TRABD2B: variants seen among roughly 807,000 people sequenced by gnomAD.
The protein encoded by TRABD2B is metalloprotease TIKI2.
A neutral mutation model predicts 40.1 loss-of-function variants in TRABD2B; 14 were observed. The ratio of observed to expected loss-of-function variants is 0.35; its 90% CI spans 0.23 to 0.55. The LOEUF (loss-of-function observed/expected upper bound fraction) is 0.55, where lower values mean the gene tolerates loss of function less well. Ranked by LOEUF, TRABD2B falls within the 20% of genes least tolerant of loss-of-function variation. TRABD2B has a pLI of 0.90. For synonymous variants in TRABD2B, 263 were observed against 277.0 expected (o/e 0.95, Z 0.50); for missense variants, 541 against 648.6 (o/e 0.83, Z 1.80).
intron 2 of TRABD2B, among the ~76,000 whole-genome samples, chr1:47,987,309 T>C (rs1353855736): frequency 6.6e-6 from 1 of 152,202 alleles, no homozygotes. Flanking sequence ...CTGACAATTC[T>C]TCAAAGCTAA....
Position 47,801,620 on chromosome 1 carries a change from C to G in TRABD2B, c.667-1G>C. On this transcript the variant is annotated splice_acceptor_variant, in intron 2 of 6. Coordinates refer to ENST00000606738, the MANE Select transcript of TRABD2B (RefSeq NM_001194986.2). LOFTEE classifies it high-confidence loss of function. ...GGGTTTGGTTCAGGGCAAACAGCAC[C>G]TGGGCCGAGGAAAGAGAGAGGAATG... 1 of 1,535,488 alleles carries G rather than the reference C, an allele frequency of 6.5e-7. No homozygotes were observed. The highest frequency in any genetic ancestry group is 8.7e-7 in the Non-Finnish European group (1 of 1,146,466).
At chr1:47,807,720 T>G (rs778259348) in intron 2 of TRABD2B, among the ~76,000 whole-genome samples, 5 of 152,184 alleles carry the variant, frequency 3.3e-5, no homozygotes, top group Non-Finnish European at 5.9e-5. Flanking sequence ...TATATTGACT[T>G]ATAGTATTTA....
chr1:47,909,764 C>G (rs1570267100), intron 2 of TRABD2B, among the ~76,000 whole-genome samples: 1 of 1,656 alleles, frequency 6.0e-4, no homozygotes, highest in African/African-American at 1.2e-3. Context: ...CTCCCTCCCT[C>G]CCTTCCCCTC....
intron 2 of TRABD2B, among the ~76,000 whole-genome samples, chr1:47,914,889 A>G (rs1279343579): frequency 1.3e-5 from 2 of 152,206 alleles, no homozygotes; most frequent in African/African-American, 4.8e-5. Flanking sequence ...GCAAGGATGA[A>G]CCAGATAGAC....
At chr1:47,843,692 G>C (rs1456232241) in intron 2 of TRABD2B, among the ~76,000 whole-genome samples, 1 of 152,166 alleles carries the variant, frequency 6.6e-6, no homozygotes, top group South Asian at 2.1e-4. Context: ...ACACTGTGAA[G>C]GAGTGGCCAG....
Position 47,913,875 on chromosome 1 carries a change from C to G in TRABD2B, c.666+80159G>C, listed in dbSNP as rs79740198. Reference sequence around the variant, plus strand: ...TCATTTCTTTTAATCCTCCTATCAACTCCTAATGAGGGGTACTATTGCTGC... The same window carrying G: ...TCATTTCTTTTAATCCTCCTATCAAGTCCTAATGAGGGGTACTATTGCTGC... On this transcript the variant is annotated intron_variant, in intron 2 of 6. Transcript: ENST00000606738. 1.2e-3 allele frequency among the ~76,000 whole-genome samples: 177 copies of G among 152,366 alleles called. 3 individuals carry two copies. In the East Asian group the frequency reaches 0.031, roughly 27 times the overall value.
rs150152640 is a variant in TRABD2B, at chr1:47,907,999, A to AT, written c.666+86034dup. Among the ~76,000 whole-genome samples the AT allele has an allele frequency of 8.4e-3, 1,271 of 152,208 alleles. 12 individuals are homozygous for AT. The highest frequency in any genetic ancestry group is 0.034 in the Middle Eastern group (10 of 294). The stretch of plus-strand genomic sequence containing the variant: ...TTTTCCGTATTTCTTTTCTTTTCTC[A>AT]TTAAAAAGTAACCTGAGAAGTGTTC... On this transcript the variant is annotated intron_variant, in intron 2 of 6. Coordinates refer to ENST00000606738, the MANE Select transcript of TRABD2B (RefSeq NM_001194986.2).
chr1:47,841,784 TTC>T (rs1645400591), intron 2 of TRABD2B, among the ~76,000 whole-genome samples: 1 of 132,710 alleles, frequency 7.5e-6, no homozygotes, highest in Non-Finnish European at 1.7e-5. Flanking sequence ...TCTTTTCTTT[TTC>T]TTTTTTTTTT....
chr1:47,941,222 A>C (rs1279220412), intron 2 of TRABD2B, among the ~76,000 whole-genome samples: 1 of 152,050 alleles, frequency 6.6e-6, no homozygotes, highest in African/African-American at 2.4e-5. Flanking sequence ...CAAGATGAAC[A>C]CCAAGTTCCT....
At chr1:47,936,733 A>G (rs1425210959) in intron 2 of TRABD2B, among the ~76,000 whole-genome samples, 1 of 152,212 alleles carries the variant, frequency 6.6e-6, no homozygotes, top group Non-Finnish European at 1.5e-5. Flanking sequence ...TTAATCATTC[A>G]ATGCTTCAGT....
At chr1:47,967,889 T>C (rs1645625789) in intron 2 of TRABD2B, among the ~76,000 whole-genome samples, 1 of 152,398 alleles carries the variant, frequency 6.6e-6, no homozygotes, top group Admixed American at 6.5e-5. Context: ...AACATCATGA[T>C]ACCTAACGGT....
At chr1:47,885,827 A>G (rs1644363724) in intron 2 of TRABD2B, among the ~76,000 whole-genome samples, 1 of 152,240 alleles carries the variant, frequency 6.6e-6, no homozygotes, top group Admixed American at 6.5e-5. Context: ...ATAGAGCTCA[A>G]AGGAGCTTAA....
chr1:47,831,073 G>GTCACTGGA (rs4031117), intron 2 of TRABD2B, among the ~76,000 whole-genome samples: 1 of 152,036 alleles, frequency 6.6e-6, no homozygotes, highest in Non-Finnish European at 1.5e-5. Flanking sequence ...GTCCTTGGTT[G>GTCACTGGA]CCACGTGTCC....
chr1:47,863,372 T>TA (rs1644003823), intron 2 of TRABD2B, among the ~76,000 whole-genome samples: 1 of 66,494 alleles, frequency 1.5e-5, no homozygotes. Flanking sequence ...CTATATAATT[T>TA]TATATATATA....
chr1:47,910,767 T>G (rs1236972089), intron 2 of TRABD2B, among the ~76,000 whole-genome samples: 1 of 152,236 alleles, frequency 6.6e-6, no homozygotes, highest in African/African-American at 2.4e-5. Flanking sequence ...CATAGATTGC[T>G]CTTTTACCTG....
At chr1:47,835,702 A>G (rs897317414) in intron 2 of TRABD2B, among the ~76,000 whole-genome samples, 4 of 152,262 alleles carry the variant, frequency 2.6e-5, no homozygotes, top group Non-Finnish European at 2.9e-5. Flanking sequence ...AAATTAAGAT[A>G]TTCTCAGATG....
chr1:47,957,966 C>T (rs985910808), intron 2 of TRABD2B, among the ~76,000 whole-genome samples: 3 of 152,160 alleles, frequency 2.0e-5, no homozygotes, highest in South Asian at 2.1e-4. Context: ...AGAGAAAGGT[C>T]GGGTTACCCA....
intron 6 of TRABD2B, among the ~76,000 whole-genome samples, chr1:47,768,983 C>T (rs1644344166): frequency 6.6e-6 from 1 of 152,164 alleles, no homozygotes; most frequent in African/African-American, 2.4e-5. Flanking sequence ...ATGAGCAAAC[C>T]CCTGATGGAG....
intron 2 of TRABD2B, among the ~76,000 whole-genome samples, chr1:47,913,958 C>A (rs762707474): frequency 6.6e-6 from 1 of 152,160 alleles, no homozygotes; most frequent in African/African-American, 2.4e-5. Flanking sequence ...GTTCAGCAAC[C>A]GAATAAATGG....
Sources: allele counts gnomAD v4.1 joint callset (sites outside exome capture counted in the v4.1 genomes callset), GRCh38; gene constraint gnomAD v4.1.1; transcripts MANE v1.5; gene names NCBI Gene and HGNC (gene_info 2026-07-23, HGNC 2026-07-21).